Variants in MYO5A observed in about 807,000 individuals in gnomAD.
MYO5A encodes unconventional myosin-Va.
In MYO5A, 98 loss-of-function variants were observed where a neutral mutation model predicts 249.7. That is an observed-to-expected ratio of 0.39 (90% CI 0.33 to 0.46). The LOEUF (loss-of-function observed/expected upper bound fraction) is 0.46, where lower values mean the gene tolerates loss of function less well. Ranked by LOEUF, MYO5A falls within the 20% of genes least tolerant of loss-of-function variation. The probability of loss-of-function intolerance (pLI) is 0.98; values close to 1 mark genes in which losing one functional copy is unlikely to be tolerated. For missense variants in MYO5A, 1,696 were observed against 2,308.8 expected (o/e 0.73, Z 5.44); for synonymous variants, 778 against 810.6 (o/e 0.96, Z 0.68).
intron 1 of MYO5A, among the ~76,000 whole-genome samples, chr15:52,447,420 A>T (rs2141359179): frequency 6.6e-6 from 1 of 151,836 alleles, no homozygotes; most frequent in South Asian, 2.1e-4. Context: ...AGCCAATTAA[A>T]CCTCTTTTCC....
At chr15:52,412,296 G>C (rs1773294032) in intron 5 of MYO5A, among the ~76,000 whole-genome samples, 1 of 152,138 alleles carries the variant, frequency 6.6e-6, no homozygotes, top group Admixed American at 6.5e-5. Flanking sequence ...ACTCAGACTG[G>C]GCGTCAGAGT....
chr15:52,505,113 C>G, intron 1 of MYO5A: 1 of 672,064 alleles, frequency 1.5e-6, no homozygotes. Context: ...AACAAAAGGT[C>G]CAAGGACAAT....
chr15:52,439,529 T>C (rs886645181), intron 1 of MYO5A, among the ~76,000 whole-genome samples: 6 of 152,212 alleles, frequency 3.9e-5, no homozygotes, highest in Admixed American at 1.3e-4. Context: ...TCCTGGCCCA[T>C]AGTTTGTGGG....
At chr15:52,445,592 C>T (rs537975894) in intron 1 of MYO5A, among the ~76,000 whole-genome samples, 8 of 152,202 alleles carry the variant, frequency 5.3e-5, no homozygotes, top group African/African-American at 1.4e-4. Context: ...CAGAAGAAGA[C>T]AGGAAGAAGA....
At position 52,310,385 on chromosome 15, in the gene MYO5A, G is replaced by A. The variant is rs2037737916; in HGVS notation, c.*3311C>T. On this transcript the variant is annotated 3_prime_UTR_variant, in exon 42 of 42. Coordinates refer to ENST00000399233, the MANE Select transcript of MYO5A (RefSeq NM_001382347.1). ...TTAAATTTTCAGCTTCAAGTTGTAA[G>A]GGTGTGAGGTGAGTCTGCATGTAGT... is the stretch of plus-strand genomic sequence containing the variant. 1 of 152,266 alleles carries A rather than the reference G, an allele frequency of 6.6e-6. No homozygotes were observed. Among genetic ancestry groups the A allele is most frequent in the African/African-American group, 2.4e-5 (1 of 41,474 alleles). 9.4% of individuals were successfully genotyped at this position (152,266 alleles called of 1,614,324 possible).
At chr15:52,474,184 C>G (rs570886383) in intron 1 of MYO5A, among the ~76,000 whole-genome samples, 93 of 152,270 alleles carry the variant, frequency 6.1e-4, no homozygotes, top group African/African-American at 2.1e-3. Context: ...TGATTTGGCT[C>G]TCTGTTTGTC....
intron 1 of MYO5A, among the ~76,000 whole-genome samples, chr15:52,493,317 C>T (rs1191509286): frequency 6.6e-6 from 1 of 152,208 alleles, no homozygotes; most frequent in African/African-American, 2.4e-5. Flanking sequence ...TGTAGCCACT[C>T]TTTCCCATAG....
chr15:52,314,074 A>C, intron 41 of MYO5A, 49 bp downstream of exon 41: 1 of 1,474,762 alleles, frequency 6.8e-7, no homozygotes, highest in South Asian at 1.1e-5. Context: ...CAAAATGTCC[A>C]TTCAAAAGAC....
At chr15:52,439,607 T>C (rs967672016) in intron 1 of MYO5A, among the ~76,000 whole-genome samples, 2 of 152,188 alleles carry the variant, frequency 1.3e-5, no homozygotes, top group African/African-American at 2.4e-5. Context: ...GTGAGAAAAA[T>C]TGGCAACATT....
At position 52,319,245 on chromosome 15, in the gene MYO5A, G is replaced by C; in HGVS notation, c.5049C>G (p.Thr1683=). ...KRTSSIADEG[T]YTLDSILRQL... ...GCCGGAGGATGGAGTCCAGTGTGTA[G>C]GTGCCCTCATCGGCGATACTGGAGG... Residue 1683 remains threonine (T), a synonymous_variant, in exon 39 of 42, where the codon ACC becomes ACG. Transcript: ENST00000399233. The C allele has an allele frequency of 6.2e-7, 1 of 1,614,168 alleles. No homozygotes were observed. The highest frequency in any genetic ancestry group is 1.3e-5 in the African/African-American group (1 of 75,044).
At chr15:52,351,587 CAG>C (rs2039956536) in intron 27 of MYO5A, 106 bp from the exon 28 acceptor site, 1 of 1,123,810 alleles carries the variant, frequency 8.9e-7, no homozygotes, top group Non-Finnish European at 1.3e-6. Flanking sequence ...AAAAGTTCAT[CAG>C]AGTTACCCTA....
In MYO5A at chr15:52,339,415, CTTT is replaced by C. The variant is rs1432621171; in HGVS notation, c.4239+778_4239+780del. 2.6e-5 allele frequency among the ~76,000 whole-genome samples: 4 copies of C among 151,242 alleles called. No homozygotes were observed. In the South Asian group the frequency reaches 8.3e-4, roughly 31 times the overall value. On this transcript the variant is annotated intron_variant, in intron 32 of 41. Coordinates refer to ENST00000399233, the MANE Select transcript of MYO5A (RefSeq NM_001382347.1). Reference sequence around the variant, plus strand: ...TTTATATAGAAATATGAAATTATCACTTTTTAAGGATTTTTAATATAGTAAATA... The same window carrying C: ...TTTATATAGAAATATGAAATTATCACTTAAGGATTTTTAATATAGTAAATA...
At chr15:52,504,761 G>A (rs990884114) in intron 1 of MYO5A, among the ~76,000 whole-genome samples, 1 of 151,942 alleles carries the variant, frequency 6.6e-6, no homozygotes, top group Non-Finnish European at 1.5e-5. Context: ...ATGGTGGCGG[G>A]CACCTGTAAT....
chr15:52,377,132 C>G (rs2141110486), intron 18 of MYO5A, among the ~76,000 whole-genome samples: 1 of 152,234 alleles, frequency 6.6e-6, no homozygotes, highest in Admixed American at 6.5e-5. Context: ...TGTTTAAAAT[C>G]CTACAAATTG....
intron 1 of MYO5A, among the ~76,000 whole-genome samples, chr15:52,456,361 A>C (rs1400785699): frequency 6.6e-6 from 1 of 152,178 alleles, no homozygotes; most frequent in Non-Finnish European, 1.5e-5. Context: ...GGATGAAAAG[A>C]CTTAATTTTG....
chr15:52,454,550 C>T (rs1480637310), intron 1 of MYO5A, among the ~76,000 whole-genome samples: 1 of 152,084 alleles, frequency 6.6e-6, no homozygotes, highest in South Asian at 2.1e-4. Context: ...CAGAAGAGTA[C>T]ACATTCTTTT....
chr15:52,384,455 T>C (rs529001759), intron 14 of MYO5A, 133 bp from the exon 15 acceptor site: 2 of 934,666 alleles, frequency 2.1e-6, no homozygotes, highest in Non-Finnish European at 1.7e-6. Context: ...AGAGTCAGTA[T>C]CTGTGCTAAG....
At chr15:52,408,231 T>C (rs917416351) in intron 6 of MYO5A, 91 bp from the exon 7 acceptor site, 59 of 740,094 alleles carry the variant, frequency 8.0e-5, no homozygotes, top group Non-Finnish European at 1.3e-4. Flanking sequence ...TTTAATTATC[T>C]CAGTTGGTTA....
chr15:52,343,347 T>A, intron 30 of MYO5A, 150 bp from the exon 31 acceptor site: 1 of 714,536 alleles, frequency 1.4e-6, no homozygotes, highest in South Asian at 1.6e-5. Context: ...CCACAAAAAT[T>A]ATTTTTGGTT....
Sources: allele counts gnomAD v4.1 joint callset (sites outside exome capture counted in the v4.1 genomes callset), GRCh38; gene constraint gnomAD v4.1.1; transcripts MANE v1.5; gene names NCBI Gene and HGNC (gene_info 2026-07-23, HGNC 2026-07-21).